ELF2: variants seen among roughly 807,000 people sequenced by gnomAD.
The protein encoded by ELF2 is ETS-related transcription factor Elf-2.
In ELF2, 11 loss-of-function variants were observed where a neutral mutation model predicts 54.8. The observed-to-expected ratio is 0.20, with a 90% confidence interval of 0.13 to 0.33. The LOEUF (loss-of-function observed/expected upper bound fraction) is 0.33, where lower values mean the gene tolerates loss of function less well. Among genes scored for constraint, ELF2 ranks in the 10% least tolerant of loss-of-function variants. The probability of loss-of-function intolerance (pLI) is 1.00; values close to 1 mark genes in which losing one functional copy is unlikely to be tolerated. For missense variants in ELF2, 513 were observed against 703.0 expected, an observed-to-expected ratio of 0.73 and a Z score of 3.06; for synonymous variants, 203 against 245.1, an observed-to-expected ratio of 0.83 and a Z score of 1.61.
chr4:139,137,583 C>T, intron 3 of ELF2, 47 bp downstream of exon 3: 2 of 1,587,404 alleles, frequency 1.3e-6, no homozygotes, highest in Non-Finnish European at 1.7e-6. Flanking sequence ...AGTTCATGCA[C>T]AAATTTCTAT....
intron 4 of ELF2, among the ~76,000 whole-genome samples, chr4:139,083,400 T>C (rs796082863): frequency 4.6e-5 from 7 of 152,270 alleles, no homozygotes; most frequent in African/African-American, 1.2e-4. Flanking sequence ...GGCATAAACC[T>C]AGTTTCTTCG....
intron 1 of ELF2, among the ~76,000 whole-genome samples, chr4:139,141,246 A>G (rs930215711): frequency 1.5e-4 from 23 of 152,294 alleles, no homozygotes; most frequent in African/African-American, 5.5e-4. Flanking sequence ...ACTAATAATA[A>G]CCTGAAAGGC....
intron 4 of ELF2, among the ~76,000 whole-genome samples, chr4:139,080,464 A>T (rs1343186445): frequency 6.6e-6 from 1 of 152,196 alleles, no homozygotes; most frequent in African/African-American, 2.4e-5. Flanking sequence ...TTTCAATTTC[A>T]TAATGAACTT....
At chr4:139,083,934 G>T (rs1393971030) in intron 4 of ELF2, among the ~76,000 whole-genome samples, 1 of 152,176 alleles carries the variant, frequency 6.6e-6, no homozygotes, top group Non-Finnish European at 1.5e-5. Flanking sequence ...TTCGAGGCAG[G>T]TTACTCTCCA....
chr4:139,086,480 A>G (rs1731993512), intron 4 of ELF2, among the ~76,000 whole-genome samples: 1 of 152,224 alleles, frequency 6.6e-6, no homozygotes, highest in African/African-American at 2.4e-5. Flanking sequence ...TACTGCTTAA[A>G]TGTCTATTTG....
chr4:139,104,508 C>CAAAAAA (rs34642901), intron 4 of ELF2, among the ~76,000 whole-genome samples: 25 of 75,852 alleles, frequency 3.3e-4, no homozygotes, highest in East Asian at 9.9e-4. Context: ...GACTCTGTCT[C>CAAAAAA]AAAAAAAAAA....
intron 1 of ELF2, among the ~76,000 whole-genome samples, chr4:139,173,951 C>T (rs1237928841): frequency 6.6e-6 from 1 of 150,670 alleles, no homozygotes; most frequent in Non-Finnish European, 1.5e-5. Context: ...TAGCCGGACG[C>T]GGTGGCTCAC....
intron 4 of ELF2, among the ~76,000 whole-genome samples, chr4:139,090,104 T>C (rs946375239): frequency 6.6e-6 from 1 of 152,154 alleles, no homozygotes; most frequent in Non-Finnish European, 1.5e-5. Flanking sequence ...TTTTTTAAAA[T>C]AATTTTAGAG....
intron 4 of ELF2, among the ~76,000 whole-genome samples, chr4:139,103,408 C>A (rs939249841): frequency 1.3e-5 from 2 of 152,286 alleles, no homozygotes; most frequent in East Asian, 3.9e-4. Flanking sequence ...CTCTGGGCCT[C>A]GGGAAACAGG....
chr4:139,076,134 A>G (rs2148707951), intron 4 of ELF2, among the ~76,000 whole-genome samples: 1 of 152,304 alleles, frequency 6.6e-6, no homozygotes, highest in East Asian at 1.9e-4. Context: ...ATTTATTTTA[A>G]AAATCCAATG....
At chr4:139,108,157 C>T (rs535442244) in intron 4 of ELF2, among the ~76,000 whole-genome samples, 98 of 152,230 alleles carry the variant, frequency 6.4e-4, no homozygotes, top group African/African-American at 2.2e-3. Context: ...TTTTAGAAAA[C>T]TTATACTAGC....
chr4:139,108,207 C>T (rs1734611366), intron 4 of ELF2, among the ~76,000 whole-genome samples: 1 of 152,142 alleles, frequency 6.6e-6, no homozygotes, highest in Admixed American at 6.6e-5. Context: ...TCATGCCAGG[C>T]ACCATGCTTA....
chr4:139,106,526 C>T (rs1215856894), intron 4 of ELF2, among the ~76,000 whole-genome samples: 1 of 151,868 alleles, frequency 6.6e-6, no homozygotes, highest in Non-Finnish European at 1.5e-5. Flanking sequence ...TCTGTGACTT[C>T]ATGACCAATA....
At chr4:139,086,284 G>A (rs756676928) in intron 4 of ELF2, among the ~76,000 whole-genome samples, 15 of 151,784 alleles carry the variant, frequency 9.9e-5, no homozygotes, top group Non-Finnish European at 1.9e-4. Flanking sequence ...GCATGTTTAG[G>A]GAAAAAACAG....
intron 1 of ELF2, among the ~76,000 whole-genome samples, chr4:139,144,882 C>A (rs942113035): frequency 2.6e-5 from 4 of 152,236 alleles, no homozygotes; most frequent in African/African-American, 9.6e-5. Flanking sequence ...CCAAGCCCCC[C>A]ACCTGGCTTT....
At chr4:139,087,943 C>A (rs936950927) in intron 4 of ELF2, among the ~76,000 whole-genome samples, 2 of 152,062 alleles carry the variant, frequency 1.3e-5, no homozygotes. Context: ...ATTTGCAATT[C>A]TTGTGAAACT....
At chr4:139,090,253 A>G (rs1040122162) in intron 4 of ELF2, among the ~76,000 whole-genome samples, 1 of 152,212 alleles carries the variant, frequency 6.6e-6, no homozygotes, top group Non-Finnish European at 1.5e-5. Context: ...ATTTGATGTA[A>G]TTCTGTCCAA....
At chr4:139,104,590 ACCT>A (rs1734238491) in intron 4 of ELF2, among the ~76,000 whole-genome samples, 1 of 151,956 alleles carries the variant, frequency 6.6e-6, no homozygotes, top group Admixed American at 6.6e-5. Context: ...GTCCTACTTC[ACCT>A]CCTAATTCCA....
intron 5 of ELF2, among the ~76,000 whole-genome samples, chr4:139,072,711 A>G (rs1316611792): frequency 6.6e-6 from 1 of 152,192 alleles, no homozygotes; most frequent in Non-Finnish European, 1.5e-5. Context: ...CCAAGATATG[A>G]CATTTCTATT....
Sources: gnomAD v4.1 joint callset for allele counts (sites outside exome capture counted in the v4.1 genomes callset) on GRCh38, gnomAD v4.1.1 for gene constraint, MANE v1.5 for transcripts, NCBI Gene and HGNC (gene_info 2026-07-23, HGNC 2026-07-21) for gene names.